The following RBMS3 variants were observed in gnomAD, a reference collection of about 807,000 sequenced individuals.
RBMS3 encodes the protein RNA-binding motif, single-stranded-interacting protein 3.
A neutral mutation model predicts 66.8 loss-of-function variants in RBMS3; 27 were observed. That is an observed-to-expected ratio of 0.40 (90% CI 0.30 to 0.56). The LOEUF (loss-of-function observed/expected upper bound fraction) is 0.56, where lower values mean the gene tolerates loss of function less well. Among genes scored for constraint, RBMS3 ranks in the 20% least tolerant of loss-of-function variants. The pLI is 0.40. For missense variants in RBMS3, 513 were observed against 549.5 expected (o/e 0.93, Z 0.66); for synonymous variants, 188 against 183.0 (o/e 1.03, Z -0.22).
At chr3:29,966,721 G>A (rs1267233967) in intron 12 of RBMS3, among the ~76,000 whole-genome samples, 1 of 152,122 alleles carries the variant, frequency 6.6e-6, no homozygotes, top group African/African-American at 2.4e-5. Flanking sequence ...AGGACTTCCA[G>A]TACTATGTTA....
At chr3:29,879,424 T>C (rs903811626) in intron 7 of RBMS3, among the ~76,000 whole-genome samples, 1 of 152,182 alleles carries the variant, frequency 6.6e-6, no homozygotes, top group African/African-American at 2.4e-5. Flanking sequence ...ATTGTTAAAA[T>C]TGGCTGCAAG....
intron 4 of RBMS3, among the ~76,000 whole-genome samples, chr3:29,738,965 A>T (rs2054499264): frequency 6.6e-6 from 1 of 152,196 alleles, no homozygotes; most frequent in African/African-American, 2.4e-5. Flanking sequence ...ATAAAATGGT[A>T]ATTATATCTA....
intron 4 of RBMS3, chr3:29,698,123 C>A: frequency 1.2e-6 from 1 of 816,410 alleles, no homozygotes. Context: ...AAGGGACAGG[C>A]TTGTGGCTGT....
chr3:29,340,096 T>C (rs1429857427), intron 1 of RBMS3, among the ~76,000 whole-genome samples: 3 of 152,174 alleles, frequency 2.0e-5, no homozygotes, highest in Non-Finnish European at 4.4e-5. Context: ...ATCAAAGTAA[T>C]GTCAAGCACA....
intron 6 of RBMS3, among the ~76,000 whole-genome samples, chr3:29,803,914 C>A (rs191808315): frequency 1.3e-5 from 2 of 152,092 alleles, no homozygotes; most frequent in East Asian, 3.9e-4. Context: ...ATATTTTATG[C>A]ATCCAGAGTG....
intron 4 of RBMS3, among the ~76,000 whole-genome samples, chr3:29,692,034 C>T (rs2052047984): frequency 6.8e-6 from 1 of 147,796 alleles, no homozygotes; most frequent in Non-Finnish European, 1.5e-5. Context: ...ACTGCAACCT[C>T]TGCCTCCTGG....
intron 1 of RBMS3, among the ~76,000 whole-genome samples, chr3:29,317,416 T>TTAAA (rs1420218966): frequency 2.0e-5 from 3 of 151,764 alleles, no homozygotes; most frequent in Non-Finnish European, 2.9e-5. Context: ...CCTAAAAGCT[T>TTAAA]TAAATAATCT....
Position 29,488,390 on chromosome 3 carries a change from G to A in RBMS3, c.249-51G>A, listed in dbSNP as rs769354143. On this transcript the variant is annotated intron_variant, in intron 2 of 14. Transcript: ENST00000383767. ...CGATGTTCATTAGAGTGTTTTAAGTGTCTTCAATGGGTTACAATAACATGG... is the reference window on the plus strand; with the variant it reads ...CGATGTTCATTAGAGTGTTTTAAGTATCTTCAATGGGTTACAATAACATGG... The A allele has an allele frequency of 2.7e-6, 4 of 1,491,522 alleles. No individual in the cohort carries two copies. In the East Asian group the frequency reaches 9.0e-5, roughly 34 times the overall value. 92.4% of individuals were successfully genotyped at this position (1,491,522 alleles called of 1,614,324 possible).
intron 2 of RBMS3, among the ~76,000 whole-genome samples, chr3:29,450,397 C>T (rs1234517514): frequency 1.3e-5 from 2 of 152,146 alleles, no homozygotes; most frequent in Non-Finnish European, 2.9e-5. Flanking sequence ...TTTCATTACT[C>T]AACACAAAAC....
rs375666347 is a variant in RBMS3 at position 29,599,747 on chromosome 3, G to A, written c.399+12542G>A. Among the ~76,000 whole-genome samples the A allele has an allele frequency of 3.9e-5, 6 of 152,148 alleles. No homozygotes were observed. In the East Asian group the frequency reaches 7.7e-4, roughly 20 times the overall value. ...AGCTCTTCGTATATATTCAATATAG[G>A]GTTAAAACTCAGAAAAGGATAGAAT... is the stretch of plus-strand genomic sequence containing the variant. On this transcript the variant is annotated intron_variant, in intron 4 of 14. Transcript: ENST00000383767.
chr3:29,992,487 G>A (rs1698951443), intron 14 of RBMS3, among the ~76,000 whole-genome samples: 2 of 152,028 alleles, frequency 1.3e-5, no homozygotes, highest in African/African-American at 2.4e-5. Context: ...CTCTGGGGTC[G>A]GGGTGGGGGG....
At chr3:29,912,474 A>G (rs2060540522) in intron 10 of RBMS3, among the ~76,000 whole-genome samples, 1 of 152,106 alleles carries the variant, frequency 6.6e-6, no homozygotes, top group African/African-American at 2.4e-5. Flanking sequence ...GGTGTGTTAA[A>G]AACAATTTAG....
At chr3:29,728,053 G>T (rs189717432) in intron 4 of RBMS3, among the ~76,000 whole-genome samples, 1 of 152,222 alleles carries the variant, frequency 6.6e-6, no homozygotes, top group African/African-American at 2.4e-5. Context: ...CATGTCCTTT[G>T]CGGGGACATG....
Position 29,464,478 on chromosome 3 carries a change from T to A in RBMS3, c.249-23963T>A, listed in dbSNP as rs535780392. Reference sequence around the variant, plus strand: ...AAATTTGAGTTTGAAGGGAACCAGATTATTAGTTGACTAGGGCTTTCAAAT... The same window carrying A: ...AAATTTGAGTTTGAAGGGAACCAGAATATTAGTTGACTAGGGCTTTCAAAT... On this transcript the variant is annotated intron_variant, in intron 2 of 14. Transcript: ENST00000383767. 2.0e-4 allele frequency among the ~76,000 whole-genome samples: 31 copies of A among 152,278 alleles called. No individual in the cohort carries two copies. The South Asian group carries it at 6.0e-3, about 30-fold the overall frequency.
rs151260108 is a variant in RBMS3 at position 29,564,352 on chromosome 3, G to A, written c.308-22762G>A. 5.5e-4 allele frequency among the ~76,000 whole-genome samples: 84 copies of A among 152,094 alleles called. 2 individuals carry two copies. The highest frequency in any genetic ancestry group is 2.0e-3 in the African/African-American group (81 of 41,520). On this transcript the variant is annotated intron_variant, in intron 3 of 14. Coordinates refer to ENST00000383767, the MANE Select transcript of RBMS3 (RefSeq NM_001003793.3). ...ATACAAAAAATTAGCTGGGCATGCT[G>A]GTGGGCACCTGTAATCCCAGCTATT...
chr3:29,830,315 ATTTT>A, intron 6 of RBMS3, among the ~76,000 whole-genome samples: 1 of 152,142 alleles, frequency 6.6e-6, no homozygotes, highest in African/African-American at 2.4e-5. Flanking sequence ...AAAACAGAAC[ATTTT>A]AGTTTGTGTA....
In RBMS3 at chr3:29,971,882, G is replaced by A. The variant is rs138567483; in HGVS notation, c.1099-16261G>A. ...AGGTTTTGGATTTGTGTTGTAGGTG[G>A]ATTAAAAAAAAAGTTTGAACACAGT... On this transcript the variant is annotated intron_variant, in intron 12 of 14. Transcript: ENST00000383767. Among the ~76,000 whole-genome samples, 854 of 151,862 alleles carry A rather than the reference G, an allele frequency of 5.6e-3. 21 individuals carry two copies. Among genetic ancestry groups the A allele is most frequent in the African/African-American group, 0.02 (830 of 41,446 alleles).
At chr3:29,627,287 T>C (rs905214767) in intron 4 of RBMS3, among the ~76,000 whole-genome samples, 2 of 96,096 alleles carry the variant, frequency 2.1e-5, no homozygotes, top group South Asian at 6.2e-4. Flanking sequence ...CTCTCTCTCT[T>C]CTCTCTCTCT....
chr3:29,416,331 T>G (rs1225275259), intron 1 of RBMS3, among the ~76,000 whole-genome samples: 1 of 146,816 alleles, frequency 6.8e-6, no homozygotes, highest in Non-Finnish European at 1.5e-5. Flanking sequence ...TATAATCTTA[T>G]ATCTAATCCT....
Sources: gnomAD v4.1 joint callset for allele counts (sites outside exome capture counted in the v4.1 genomes callset) on GRCh38, gnomAD v4.1.1 for gene constraint, MANE v1.5 for transcripts, NCBI Gene and HGNC (gene_info 2026-07-23, HGNC 2026-07-21) for gene names.